Variants in SVOPL observed in about 807,000 individuals in gnomAD.
SVOPL encodes the protein putative transporter SVOPL.
A neutral mutation model predicts 61.0 loss-of-function variants in SVOPL; 60 were observed. The observed-to-expected ratio is 0.98, with a 90% CI of 0.80 to 1.22. The LOEUF (loss-of-function observed/expected upper bound fraction) is 1.22. SVOPL is among the 50% of genes most tolerant of loss of function. The pLI, the probability that SVOPL is intolerant of heterozygous loss-of-function variation, is 0.00. For synonymous variants in SVOPL, 279 were observed against 250.0 expected, an observed-to-expected ratio of 1.12 and a Z score of -1.09; for missense variants, 662 against 643.9, an observed-to-expected ratio of 1.03 and a Z score of -0.30.
In SVOPL at chr7:138,649,040, G is replaced by C; in HGVS notation, c.632C>G (p.Pro211Arg). 1 of 1,613,890 alleles carries C rather than the reference G, an allele frequency of 6.2e-7. No homozygotes were observed. The highest frequency in any genetic ancestry group is 1.1e-5 in the South Asian group (1 of 91,046). ...WRWLIRVASIPGIILIVAFKF... is the reference protein window; with the variant it reads ...WRWLIRVASIRGIILIVAFKF... ...GAAGGCCACGATGAGGATGATGCCC[G>C]GGATGGAGGCGACGCGAATGAGCCA... Residue 211 changes from proline to arginine, a missense_variant, in exon 8 of 16, where the codon CCG (proline) becomes CGG (arginine). Transcript: ENST00000674285.
At chr7:138,670,066 T>C (rs1031562154) in intron 4 of SVOPL, among the ~76,000 whole-genome samples, 19 of 152,204 alleles carry the variant, frequency 1.2e-4, no homozygotes, top group African/African-American at 4.3e-4. Flanking sequence ...ACAGCCCCTT[T>C]GAAACCATCT....
chr7:138,594,364 C>CAT lies in SVOPL; in HGVS notation c.*244_*245dup. On this transcript the variant is annotated 3_prime_UTR_variant, in exon 16 of 16. Transcript: ENST00000674285. ...GAAGAAAAGCCATCTTCCCCCCCAC[C>CAT]ATCTCCCTCTCACACCCCTTTGAAA... 1 of 299,450 alleles carries CAT rather than the reference C, an allele frequency of 3.3e-6. No homozygotes were observed. The allele number at this position is 299,450 out of a possible 1,614,324, so 18.5% of individuals were successfully genotyped here. A position where few individuals can be genotyped will look rare whatever the true frequency, so the allele number is the denominator to read the frequency against.
intron 12 of SVOPL, among the ~76,000 whole-genome samples, chr7:138,626,597 T>C (rs1799903539): frequency 6.6e-6 from 1 of 152,106 alleles, no homozygotes; most frequent in Non-Finnish European, 1.5e-5. Context: ...TTTGCCATGT[T>C]GTCCAAGCTG....
chr7:138,648,154 T>A (rs575216609), intron 8 of SVOPL, among the ~76,000 whole-genome samples: 2 of 152,098 alleles, frequency 1.3e-5, no homozygotes, highest in Admixed American at 6.6e-5. Context: ...CCTGGGAGTA[T>A]GTCAACAGCA....
intron 1 of SVOPL, among the ~76,000 whole-genome samples, chr7:138,698,311 G>A (rs192443148): frequency 6.6e-6 from 1 of 152,286 alleles, no homozygotes; most frequent in Non-Finnish European, 1.5e-5. Flanking sequence ...CCCAACATCA[G>A]GGTTTCCCTT....
At chr7:138,692,002 G>C (rs1802954276) in intron 1 of SVOPL, among the ~76,000 whole-genome samples, 1 of 152,000 alleles carries the variant, frequency 6.6e-6, no homozygotes, top group African/African-American at 2.4e-5. Context: ...ATTTTTAGTA[G>C]AGACAGGGTT....
chr7:138,697,665 A>C lies in SVOPL; in HGVS notation c.-35+3513T>G, dbSNP rs564066884. On this transcript the variant is annotated intron_variant, in intron 1 of 15. Coordinates refer to ENST00000674285, the MANE Select transcript of SVOPL (RefSeq NM_001139456.2). ...GAAGTGGAAGAGGAAGAACAAGAGG[A>C]GGAGAAGGAGGAAAAGAAGAGGAAG... Among the ~76,000 whole-genome samples the C allele has an allele frequency of 1.3e-3, 199 of 149,422 alleles. 1 individual carries two copies. Among genetic ancestry groups the C allele is most frequent in the African/African-American group, 4.6e-3 (187 of 40,766 alleles).
chr7:138,697,660 A>G (rs1257801674), intron 1 of SVOPL, among the ~76,000 whole-genome samples: 1 of 148,096 alleles, frequency 6.8e-6, no homozygotes, highest in East Asian at 2.1e-4. Flanking sequence ...AGGAAGAACA[A>G]GAGGAGGAGA....
intron 14 of SVOPL, among the ~76,000 whole-genome samples, chr7:138,597,636 G>A (rs1001183111): frequency 1.1e-4 from 16 of 142,268 alleles, no homozygotes; most frequent in Admixed American, 6.6e-4. Flanking sequence ...TTTGTATAAC[G>A]TCTGCGTGTG....
At chr7:138,625,387 C>T (rs1188240277) in intron 13 of SVOPL, among the ~76,000 whole-genome samples, 1 of 152,094 alleles carries the variant, frequency 6.6e-6, no homozygotes, top group Non-Finnish European at 1.5e-5. Context: ...AATGACAAAA[C>T]CAGTTAAAAT....
chr7:138,656,384 T>C (rs1801730039), intron 7 of SVOPL, 64 bp downstream of exon 7: 1 of 1,494,184 alleles, frequency 6.7e-7, no homozygotes, highest in Admixed American at 1.8e-5. Flanking sequence ...TTCCAAGGTA[T>C]GCCTATATGT....
At chr7:138,693,602 AAAG>A (rs1803000537) in intron 1 of SVOPL, among the ~76,000 whole-genome samples, 1 of 151,608 alleles carries the variant, frequency 6.6e-6, no homozygotes, top group African/African-American at 2.4e-5. Context: ...AAAAGGAAAG[AAAG>A]AAAAAAGAAA....
At position 138,636,458 on chromosome 7, in the gene SVOPL, A is replaced by G. The variant is rs75424190; in HGVS notation, c.790-6336T>C. ...AGCCTATAATGTCAACAAAATCTCAAACTCTCATAGGATTTTTCTTTTTTT... is the reference window on the plus strand; with the variant it reads ...AGCCTATAATGTCAACAAAATCTCAGACTCTCATAGGATTTTTCTTTTTTT... On this transcript the variant is annotated intron_variant, in intron 9 of 15. Coordinates refer to ENST00000674285, the MANE Select transcript of SVOPL (RefSeq NM_001139456.2). Among the ~76,000 whole-genome samples the G allele has an allele frequency of 6.7e-3, 1,019 of 151,138 alleles. 23 individuals carry two copies. The highest frequency in any genetic ancestry group is 0.023 in the African/African-American group (954 of 40,806).
At position 138,596,428 on chromosome 7, in the gene SVOPL, G is replaced by C; in HGVS notation, c.1456C>G (p.Arg486Gly). The C allele has an allele frequency of 6.2e-7, 1 of 1,613,744 alleles. No individual in the cohort carries two copies. The highest frequency in any genetic ancestry group is 8.5e-7 in the Non-Finnish European group (1 of 1,179,804). ...CCTGCATCACTCACCTGGAGGGCCC[G>C]TCCTTTGGTTTCGATGGGGAGAGTG... The part of the protein sequence containing the change: ...AFTLPIETKG[R>G]ALQQIK Residue 486 changes from arginine (R) to glycine (G), a missense_variant, in exon 15 of 16, where the codon CGG (arginine) becomes GGG (glycine). Coordinates refer to ENST00000674285, the MANE Select transcript of SVOPL (RefSeq NM_001139456.2).
At chr7:138,691,083 A>T (rs1802929834) in intron 1 of SVOPL, among the ~76,000 whole-genome samples, 1 of 151,906 alleles carries the variant, frequency 6.6e-6, no homozygotes, top group African/African-American at 2.4e-5. Flanking sequence ...CCTGAATTGC[A>T]CTCTTTAAAA....
At chr7:138,633,192 G>A (rs1472009045) in intron 9 of SVOPL, among the ~76,000 whole-genome samples, 1 of 152,158 alleles carries the variant, frequency 6.6e-6, no homozygotes, top group Non-Finnish European at 1.5e-5. Context: ...AAATAAACTA[G>A]AATAATGGAA....
At chr7:138,596,164 G>A (rs987948962) in intron 15 of SVOPL, among the ~76,000 whole-genome samples, 3 of 144,236 alleles carry the variant, frequency 2.1e-5, no homozygotes, top group Non-Finnish European at 4.5e-5. Context: ...ACTCCAGCCT[G>A]GGCAACAGAG....
At chr7:138,636,670 C>G (rs1158289766) in intron 9 of SVOPL, among the ~76,000 whole-genome samples, 1 of 151,982 alleles carries the variant, frequency 6.6e-6, no homozygotes, top group African/African-American at 2.4e-5. Flanking sequence ...AGAGTTTCAT[C>G]ATGTTGGCCA....
chr7:138,661,203 A>T (rs1289524678), intron 5 of SVOPL: 1 of 985,320 alleles, frequency 1.0e-6, no homozygotes, highest in East Asian at 1.1e-4. Flanking sequence ...GCAAATAGAA[A>T]AGACAGACCT....
Sources: allele counts gnomAD v4.1 joint callset (sites outside exome capture counted in the v4.1 genomes callset), GRCh38; gene constraint gnomAD v4.1.1; transcripts MANE v1.5; gene names NCBI Gene and HGNC (gene_info 2026-07-23, HGNC 2026-07-21).